The following MLLT3 variants were observed in gnomAD, a reference collection of about 807,000 sequenced individuals.
The protein encoded by MLLT3 is MLLT3 super elongation complex subunit, also known as protein AF-9.
In MLLT3, 4 loss-of-function variants were observed where a neutral mutation model predicts 53.2. That is an observed-to-expected ratio of 0.08 (90% CI 0.04 to 0.17). The LOEUF (loss-of-function observed/expected upper bound fraction) is 0.17. MLLT3 is among the 10% of genes least tolerant of loss of function. The pLI is 1.00. For missense variants in MLLT3, 569 were observed against 684.0 expected, an observed-to-expected ratio of 0.83 and a Z score of 1.87; for synonymous variants, 283 against 230.6, an observed-to-expected ratio of 1.23 and a Z score of -2.06.
chr9:20,465,150 G>T (rs1824203207), intron 2 of MLLT3, among the ~76,000 whole-genome samples: 1 of 151,350 alleles, frequency 6.6e-6, no homozygotes, highest in African/African-American at 2.4e-5. Flanking sequence ...TTTAAGAAAA[G>T]GAAAGATAAC....
intron 2 of MLLT3, among the ~76,000 whole-genome samples, chr9:20,473,304 T>G (rs1824440186): frequency 6.6e-6 from 1 of 152,132 alleles, no homozygotes; most frequent in South Asian, 2.1e-4. Context: ...TCTAAAACAC[T>G]TTTTTAAAGG....
intron 2 of MLLT3, among the ~76,000 whole-genome samples, chr9:20,486,286 A>T (rs776043244): frequency 4.6e-5 from 7 of 152,152 alleles, no homozygotes; most frequent in Non-Finnish European, 1.0e-4. Flanking sequence ...TTCAAAATAC[A>T]ACAGAACAAA....
At chr9:20,418,932 T>G (rs922102062) in intron 4 of MLLT3, among the ~76,000 whole-genome samples, 1 of 152,102 alleles carries the variant, frequency 6.6e-6, no homozygotes, top group African/African-American at 2.4e-5. Flanking sequence ...AAACAAGAAA[T>G]AGATAATATG....
In MLLT3 at chr9:20,346,068, G is replaced by C. The variant is rs1482361906; in HGVS notation, c.*375C>G. 3.9e-6 allele frequency: 1 copy of C among 253,468 alleles called. No homozygotes were observed. Among genetic ancestry groups the C allele is most frequent in the African/African-American group, 2.2e-5 (1 of 45,438 alleles). The allele number at this position is 253,468 out of a possible 1,614,324, so 15.7% of individuals were successfully genotyped here. Reference sequence around the variant, plus strand: ...CAGTTATGTAATAAGGCAGTGTGTTGAATATGCATTCGTCCTGTGGAATGA... The same window carrying C: ...CAGTTATGTAATAAGGCAGTGTGTTCAATATGCATTCGTCCTGTGGAATGA... On this transcript the variant is annotated 3_prime_UTR_variant, in exon 11 of 11. Coordinates refer to ENST00000380338, the MANE Select transcript of MLLT3 (RefSeq NM_004529.4).
chr9:20,481,761 C>T (rs1370805387), intron 2 of MLLT3, among the ~76,000 whole-genome samples: 5 of 152,164 alleles, frequency 3.3e-5, no homozygotes, highest in Non-Finnish European at 1.5e-5. Flanking sequence ...AAATTCAGTT[C>T]CCTCACATAT....
intron 10 of MLLT3, among the ~76,000 whole-genome samples, chr9:20,350,654 G>C (rs1182094184): frequency 6.6e-6 from 1 of 151,966 alleles, no homozygotes; most frequent in African/African-American, 2.4e-5. Context: ...AAAAGGAAGA[G>C]TGTGTAAACT....
intron 2 of MLLT3, among the ~76,000 whole-genome samples, chr9:20,495,033 T>G (rs1218601344): frequency 1.3e-5 from 2 of 152,154 alleles, no homozygotes; most frequent in Non-Finnish European, 2.9e-5. Flanking sequence ...TACAGCTAGC[T>G]GAATAGGAAA....
chr9:20,525,086 G>A (rs1050248528), intron 2 of MLLT3, among the ~76,000 whole-genome samples: 7 of 147,030 alleles, frequency 4.8e-5, no homozygotes, highest in East Asian at 3.9e-4. Flanking sequence ...GGAGACAGGG[G>A]AGAGGATATG....
Position 20,622,206 on chromosome 9 carries a change from T to TG in MLLT3, c.12+38dup, listed in dbSNP as rs778960915. The TG allele has an allele frequency of 5.7e-5, 90 of 1,578,838 alleles. No homozygotes were observed. The East Asian group carries it at 2.0e-3, about 35-fold the overall frequency. On this transcript the variant is annotated intron_variant, in intron 1 of 10. Transcript: ENST00000380338. ...GGCGGCGCAGGGCGAGGAAGGAAAG[T>TG]GGGGGAGGGCTTTTATTATTATTTT...
chr9:20,362,340 C>G (rs562329429), intron 7 of MLLT3, among the ~76,000 whole-genome samples: 1 of 152,254 alleles, frequency 6.6e-6, no homozygotes, highest in East Asian at 1.9e-4. Context: ...ATAGGTCATA[C>G]GTTTTTCATC....
intron 2 of MLLT3, among the ~76,000 whole-genome samples, chr9:20,493,721 T>A (rs1381135694): frequency 1.3e-5 from 2 of 152,008 alleles, no homozygotes; most frequent in African/African-American, 2.4e-5. Flanking sequence ...GAGAAATACC[T>A]TATGTTAAAG....
At position 20,400,160 on chromosome 9, in the gene MLLT3, ACT is replaced by A. The variant is rs138638248; in HGVS notation, c.1125+13559_1125+13560del. ...AAAACAAACAAAAAAACCTAACATG[ACT>A]CTGACCATGATTCTAACTTTGACTA... On this transcript the variant is annotated intron_variant, in intron 5 of 10. Transcript: ENST00000380338. Among the ~76,000 whole-genome samples the A allele has an allele frequency of 6.7e-3, 1,018 of 152,190 alleles. 18 individuals are homozygous for A. Among genetic ancestry groups the A allele is most frequent in the African/African-American group, 0.023 (972 of 41,534 alleles).
intron 2 of MLLT3, among the ~76,000 whole-genome samples, chr9:20,462,786 A>C (rs1474045841): frequency 6.6e-6 from 1 of 152,090 alleles, no homozygotes; most frequent in Non-Finnish European, 1.5e-5. Context: ...CTTATCCCAG[A>C]CCATCATTTA....
rs1821095090 is a variant in MLLT3 at position 20,353,746 on chromosome 9, A to G, written c.1504-150T>C. The G allele has an allele frequency of 4.5e-6, 3 of 665,278 alleles. No individual in the cohort carries two copies. In the East Asian group the frequency reaches 8.0e-5, roughly 18 times the overall value. The allele number at this position is 665,278 out of a possible 1,614,324, so 41.2% of individuals were successfully genotyped here. A position where few individuals can be genotyped will look rare whatever the true frequency, so the allele number is the denominator to read the frequency against. On this transcript the variant is annotated intron_variant, in intron 9 of 10. Coordinates refer to ENST00000380338, the MANE Select transcript of MLLT3 (RefSeq NM_004529.4). The stretch of plus-strand genomic sequence containing the variant: ...CCAGGCTGTGTGCACTCAGTGCCCA[A>G]AGGCCTCTGCAGAACAAGCCTGTCT...
chr9:20,384,081 TAAAG>T (rs1238749793), intron 5 of MLLT3, among the ~76,000 whole-genome samples: 1 of 152,018 alleles, frequency 6.6e-6, no homozygotes, highest in Non-Finnish European at 1.5e-5. Flanking sequence ...ATGATCCACT[TAAAG>T]AAAATAATAA....
At chr9:20,619,050 G>C (rs1483772669) in intron 2 of MLLT3, among the ~76,000 whole-genome samples, 2 of 152,114 alleles carry the variant, frequency 1.3e-5, no homozygotes, top group Non-Finnish European at 2.9e-5. Flanking sequence ...AAACTCCTCT[G>C]CTCTACAGAC....
At chr9:20,598,998 CA>C (rs1820345263) in intron 2 of MLLT3, among the ~76,000 whole-genome samples, 1 of 152,176 alleles carries the variant, frequency 6.6e-6, no homozygotes, top group African/African-American at 2.4e-5. Flanking sequence ...CCAGAGGACT[CA>C]AATCATTAGA....
chr9:20,603,058 T>G (rs979091048), intron 2 of MLLT3, among the ~76,000 whole-genome samples: 7 of 152,078 alleles, frequency 4.6e-5, no homozygotes, highest in Admixed American at 3.9e-4. Flanking sequence ...AAAGACTACC[T>G]TTGCACCTAA....
chr9:20,414,218 C>T lies in MLLT3; in HGVS notation c.628G>A (p.Asp210Asn), dbSNP rs1822804437. 6.2e-7 allele frequency: 1 copy of T among 1,614,106 alleles called. No individual in the cohort carries two copies. The highest frequency in any genetic ancestry group is 8.5e-7 in the Non-Finnish European group (1 of 1,180,020). Residue 210 changes from aspartate (D) to asparagine (N), a missense_variant, in exon 5 of 11, where the codon GAC becomes AAC. Asp to Asn is a conservative substitution (Grantham distance 23, BLOSUM62 1). Around this residue, in one of 5 missense-constraint regions of MLLT3, gnomAD observed 437 missense variants for 376.5 expected, o/e 1.16. Transcript: ENST00000380338. ...MKEHKEKPSK[D>N]SREHKSAFKE... Reference sequence around the variant, plus strand: ...AAGGCACTTTTATGTTCTCTGGAGTCTTTAGAAGGTTTTTCCTTGTGCTCC... The same window carrying T: ...AAGGCACTTTTATGTTCTCTGGAGTTTTTAGAAGGTTTTTCCTTGTGCTCC...
Sources: gnomAD v4.1 joint callset for allele counts (sites outside exome capture counted in the v4.1 genomes callset) on GRCh38, gnomAD v4.1.1 for gene constraint, gnomAD v4.1.1 regional missense constraint, MANE v1.5 for transcripts, NCBI Gene and HGNC (gene_info 2026-07-23, HGNC 2026-07-21) for gene names.